The following MARCHF1 variants were observed in gnomAD, a reference collection of about 807,000 sequenced individuals.
The protein encoded by MARCHF1 is membrane associated ring-CH-type finger 1.
MARCHF1 carries 40 observed loss-of-function variants against 54.2 expected under a neutral mutation model. That is an observed-to-expected ratio of 0.74 (90% confidence interval 0.57 to 0.96). The LOEUF (loss-of-function observed/expected upper bound fraction) is 0.96, where lower values mean the gene tolerates loss of function less well. Among genes scored for constraint, MARCHF1 ranks in the 40% least tolerant of loss-of-function variants. MARCHF1 has a pLI of 0.00. For missense variants in MARCHF1, 586 were observed against 656.5 expected, an observed-to-expected ratio of 0.89 and a Z score of 1.17; for synonymous variants, 236 against 236.3, an observed-to-expected ratio of 1.00 and a Z score of 0.01.
intron 8 of MARCHF1, among the ~76,000 whole-genome samples, chr4:163,558,793 A>C (rs1255484750): frequency 6.6e-6 from 1 of 152,164 alleles, no homozygotes; most frequent in East Asian, 1.9e-4. Context: ...CCCTAGAGAG[A>C]GGGTGAGCAG....
intron 1 of MARCHF1, among the ~76,000 whole-genome samples, chr4:164,183,575 C>T (rs912365597): frequency 2.0e-5 from 3 of 152,082 alleles, no homozygotes; most frequent in Admixed American, 1.3e-4. Flanking sequence ...TAAATAAATA[C>T]CCTACGTTTT....
chr4:163,867,218 C>T (rs1319952965), intron 3 of MARCHF1, among the ~76,000 whole-genome samples: 2 of 151,836 alleles, frequency 1.3e-5, no homozygotes, highest in East Asian at 3.9e-4. Context: ...TGGTCTGAGA[C>T]GCCCAACATA....
At chr4:163,917,780 C>T (rs34741923) in intron 3 of MARCHF1, among the ~76,000 whole-genome samples, 26,233 of 151,936 alleles carry the variant, frequency 0.17, 2,818 homozygotes, top group South Asian at 0.32. Context: ...TCTCTCTCAC[C>T]GCTTATAGAT....
chr4:164,035,099 TTTAA>T lies in MARCHF1; in HGVS notation c.-247-46394_-247-46391del, dbSNP rs534787546. Among the ~76,000 whole-genome samples, 12 of 152,286 alleles carry T rather than the reference TTTAA, an allele frequency of 7.9e-5. 1 individual carries two copies. The highest frequency in any genetic ancestry group is 5.8e-4 in the East Asian group (3 of 5,192). On this transcript the variant is annotated intron_variant, in intron 2 of 9. Coordinates refer to ENST00000514618, the MANE Select transcript of MARCHF1 (RefSeq NM_001394959.1). ...TAAACATGTGGATATATTTTCATAT[TTTAA>T]TTAATATTTTTGACCAATGAAAATT... is the stretch of plus-strand genomic sequence containing the variant.
At chr4:164,042,307 T>G (rs936663644) in intron 2 of MARCHF1, among the ~76,000 whole-genome samples, 1 of 152,208 alleles carries the variant, frequency 6.6e-6, no homozygotes, top group Admixed American at 6.5e-5. Context: ...AAAAAAGAGG[T>G]TTAACTGACT....
chr4:163,725,302 C>A (rs987670199), intron 4 of MARCHF1, among the ~76,000 whole-genome samples: 13 of 151,434 alleles, frequency 8.6e-5, no homozygotes, highest in African/African-American at 2.7e-4. Context: ...ATGGTGAAAC[C>A]CCATCTCCAC....
intron 3 of MARCHF1, among the ~76,000 whole-genome samples, chr4:163,856,066 G>GGT (rs1749760727): frequency 6.6e-6 from 1 of 152,098 alleles, no homozygotes; most frequent in Non-Finnish European, 1.5e-5. Context: ...ACAACTCTAA[G>GGT]GTGACTGCCT....
At chr4:163,857,259 G>A (rs948865757) in intron 3 of MARCHF1, among the ~76,000 whole-genome samples, 6 of 151,758 alleles carry the variant, frequency 4.0e-5, no homozygotes, top group African/African-American at 1.2e-4. Flanking sequence ...TTGCATTATC[G>A]ATGCTACAAT....
intron 7 of MARCHF1, 69 bp from the exon 8 acceptor site, chr4:163,585,998 C>G: frequency 7.3e-7 from 1 of 1,374,464 alleles, no homozygotes; most frequent in Non-Finnish European, 9.8e-7. Flanking sequence ...TATTTCTGCC[C>G]TTGCTTATAC....
In MARCHF1 at chr4:163,624,868, T is replaced by C. The variant is rs1741815958; in HGVS notation, c.163-11475A>G. On this transcript the variant is annotated intron_variant, in intron 5 of 9. Coordinates refer to ENST00000514618, the MANE Select transcript of MARCHF1 (RefSeq NM_001394959.1). ...CTCACAGTTCTCATTGCCTTCAACT[T>C]TTCTTCTTTTTTATCTGTACTCAAG... 2.6e-5 allele frequency among the ~76,000 whole-genome samples: 4 copies of C among 152,316 alleles called. No individual in the cohort carries two copies. In the South Asian group the frequency reaches 8.3e-4, roughly 32 times the overall value.
chr4:163,780,509 G>C (rs1396063069), intron 4 of MARCHF1, among the ~76,000 whole-genome samples: 1 of 152,060 alleles, frequency 6.6e-6, no homozygotes, highest in Non-Finnish European at 1.5e-5. Flanking sequence ...CTATTCATGA[G>C]GAGACATTCC....
intron 4 of MARCHF1, among the ~76,000 whole-genome samples, chr4:163,748,882 A>G (rs1238391311): frequency 1.3e-5 from 2 of 152,164 alleles, no homozygotes; most frequent in African/African-American, 4.8e-5. Flanking sequence ...TCACCAAATA[A>G]AGAGAGATGC....
chr4:163,733,227 G>GTA lies in MARCHF1; in HGVS notation c.112-32366_112-32365dup, dbSNP rs1241873225. On this transcript the variant is annotated intron_variant, in intron 4 of 9. Coordinates refer to ENST00000514618, the MANE Select transcript of MARCHF1 (RefSeq NM_001394959.1). ...TATATATATATATATATATACACGT[G>GTA]TATATATATATATACACGTGTATAT... Among the ~76,000 whole-genome samples, 116 of 13,816 alleles carry GTA rather than the reference G, an allele frequency of 8.4e-3. 4 individuals carry two copies. Among genetic ancestry groups the GTA allele is most frequent in the Middle Eastern group, 0.042 (1 of 24 alleles). 9.1% of individuals were successfully genotyped at this position (13,816 alleles called of 152,430 possible). A position where few individuals can be genotyped will look rare whatever the true frequency, so the allele number is the denominator to read the frequency against.
At chr4:163,736,549 TGGG>T (rs10539755) in intron 4 of MARCHF1, among the ~76,000 whole-genome samples, 2 of 132,418 alleles carry the variant, frequency 1.5e-5, no homozygotes, top group Non-Finnish European at 3.2e-5. Flanking sequence ...AAGGGTTGGG[TGGG>T]GGGGGGGACT....
chr4:164,176,187 G>C (rs1190645778), intron 1 of MARCHF1, among the ~76,000 whole-genome samples: 1 of 152,090 alleles, frequency 6.6e-6, no homozygotes, highest in Non-Finnish European at 1.5e-5. Context: ...AACCTTTACA[G>C]TTACTAAGGC....
chr4:164,056,719 C>A (rs1190508631), intron 2 of MARCHF1, among the ~76,000 whole-genome samples: 1 of 152,208 alleles, frequency 6.6e-6, no homozygotes, highest in African/African-American at 2.4e-5. Flanking sequence ...ACTTGCGTGG[C>A]ATTCAGGCAT....
At chr4:163,740,364 G>A (rs143203634) in intron 4 of MARCHF1, among the ~76,000 whole-genome samples, 2 of 152,320 alleles carry the variant, frequency 1.3e-5, no homozygotes, top group African/African-American at 4.8e-5. Flanking sequence ...AAGCTATCAA[G>A]TTAGTCTGCC....
chr4:163,987,433 C>T (rs1268393126), intron 3 of MARCHF1, among the ~76,000 whole-genome samples: 3 of 152,184 alleles, frequency 2.0e-5, no homozygotes, highest in African/African-American at 7.2e-5. Flanking sequence ...AATATATTTT[C>T]TCATTTGAAG....
intron 3 of MARCHF1, among the ~76,000 whole-genome samples, chr4:163,951,418 A>G (rs1752132254): frequency 6.6e-6 from 1 of 152,224 alleles, no homozygotes. Context: ...AGTGAGCAGG[A>G]GGATTACTTC....
Sources: gnomAD v4.1 joint callset for allele counts (sites outside exome capture counted in the v4.1 genomes callset) on GRCh38, gnomAD v4.1.1 for gene constraint, MANE v1.5 for transcripts, NCBI Gene and HGNC (gene_info 2026-07-23, HGNC 2026-07-21) for gene names.